Variants in ZC3H18 observed in about 807,000 individuals in gnomAD.
The protein encoded by ZC3H18 is zinc finger CCCH domain-containing protein 18.
Under a neutral mutation model 106.1 loss-of-function variants are expected in ZC3H18, and 8 were observed. That is an observed-to-expected ratio of 0.08 (90% CI 0.04 to 0.14). ZC3H18 has a LOEUF of 0.14. ZC3H18 is among the 10% of genes least tolerant of loss of function. ZC3H18 has a pLI of 1.00. For missense variants in ZC3H18, 1,318 were observed against 1,278.4 expected (o/e 1.03, Z -0.47); for synonymous variants, 635 against 522.1 (o/e 1.22, Z -2.95).
chr16:88,574,944 C>G (rs1914652173), intron 1 of ZC3H18, among the ~76,000 whole-genome samples: 1 of 151,474 alleles, frequency 6.6e-6, no homozygotes. Context: ...ATTCTCCTGC[C>G]TCAGCCTCCC....
chr16:88,631,049 C>T (rs1455228839), intron 17 of ZC3H18, 52 bp from the exon 18 acceptor site: 37 of 1,606,898 alleles, frequency 2.3e-5, no homozygotes, highest in Admixed American at 3.3e-5. Context: ...TCACCCCTTC[C>T]ACCTGCAGAC....
chr16:88,593,147 G>A (rs535953861), intron 3 of ZC3H18, among the ~76,000 whole-genome samples: 80 of 152,298 alleles, frequency 5.3e-4, no homozygotes, highest in African/African-American at 1.8e-3. Flanking sequence ...ATCTGATGAC[G>A]TGGGATGAAA....
At chr16:88,611,672 C>G (rs959402278) in intron 8 of ZC3H18, 136 bp downstream of exon 8, 2 of 1,342,878 alleles carry the variant, frequency 1.5e-6, no homozygotes, top group Non-Finnish European at 2.0e-6. Context: ...GCCCACAGCC[C>G]GAGCCCATAG....
In ZC3H18 at chr16:88,575,737, T is replaced by C. The variant is rs547440008; in HGVS notation, c.-14-1373T>C. The stretch of plus-strand genomic sequence containing the variant: ...TTGTTTTTTGAGTTTTTTTTGGAGA[T>C]TGGTCTCACTCTGTTGCCCAGGCTG... On this transcript the variant is annotated intron_variant, in intron 1 of 17. Transcript: ENST00000301011. Among the ~76,000 whole-genome samples, 19 of 152,100 alleles carry C rather than the reference T, an allele frequency of 1.2e-4. No homozygotes were observed. In the South Asian group the frequency reaches 3.9e-3, roughly 32 times the overall value.
intron 2 of ZC3H18, among the ~76,000 whole-genome samples, chr16:88,580,156 C>CTGTGTGTGTGTGTG (rs56406234): frequency 4.7e-5 from 6 of 126,958 alleles, no homozygotes; most frequent in Admixed American, 8.1e-5. Flanking sequence ...ACAGGTTCAT[C>CTGTGTGTGTGTGTG]TGTGTGTGTG....
intron 16 of ZC3H18, among the ~76,000 whole-genome samples, chr16:88,629,479 T>C (rs1906525772): frequency 1.3e-5 from 2 of 152,202 alleles, no homozygotes; most frequent in African/African-American, 4.8e-5. Context: ...TATTTTTTTT[T>C]ACACATGTGC....
intron 11 of ZC3H18, chr16:88,624,369 C>T: frequency 7.1e-6 from 5 of 702,048 alleles, no homozygotes; most frequent in Non-Finnish European, 1.2e-5. Context: ...CTGGCGGTGC[C>T]TGTAGCTCTT....
At position 88,622,332 on chromosome 16, in the gene ZC3H18, G is replaced by T; in HGVS notation, c.1611G>T (p.Arg537=). The T allele has an allele frequency of 6.2e-6, 10 of 1,613,786 alleles. No individual in the cohort carries two copies. Among genetic ancestry groups the T allele is most frequent in the African/African-American group, 1.3e-5 (1 of 75,036 alleles). ...TCGGGGTGTCGGTCTCCCCGAGCCG[G>T]GCTCGAAGGCGTCGGAAAACATCAG... ...KKLGVSVSPS[R]ARRRRKTSAS... Residue 537 remains arginine (R), a synonymous_variant, in exon 9 of 18, where the codon CGG becomes CGT. Coordinates refer to ENST00000301011, the MANE Select transcript of ZC3H18 (RefSeq NM_144604.4).
chr16:88,625,781 C>A, intron 13 of ZC3H18: 1 of 123,520 alleles, frequency 8.1e-6, no homozygotes, highest in Non-Finnish European at 1.7e-5. Flanking sequence ...AGGAGGATTG[C>A]TTGAGCCCAG....
chr16:88,594,935 T>A (rs897702363), intron 3 of ZC3H18, among the ~76,000 whole-genome samples: 2 of 152,182 alleles, frequency 1.3e-5, no homozygotes, highest in African/African-American at 4.8e-5. Context: ...GCGGATCACC[T>A]GAGGTCGCAA....
At position 88,623,266 on chromosome 16, in the gene ZC3H18, C is replaced by G. The variant is rs750266139; in HGVS notation, c.1715C>G (p.Ser572Trp). 1.9e-6 allele frequency: 3 copies of G among 1,613,680 alleles called. No homozygotes were observed. The highest frequency in any genetic ancestry group is 2.5e-6 in the Non-Finnish European group (3 of 1,179,974). The change falls in exon 10 of 18, where the codon TCG (serine) becomes TGG (tryptophan). Residue 572 changes from serine to tryptophan, a missense_variant. Coordinates refer to ENST00000301011, the MANE Select transcript of ZC3H18 (RefSeq NM_144604.4). The stretch of plus-strand genomic sequence containing the variant: ...TACTCTGGCTCCGGCTCCTCCCGGT[C>G]GCGATCCCGGTCTTCATCCTACAGC... ...SSYSGSGSSR[S>W]RSRSSSYSSY...
chr16:88,595,884 C>G (rs974643625), intron 3 of ZC3H18, among the ~76,000 whole-genome samples: 1 of 152,132 alleles, frequency 6.6e-6, no homozygotes, highest in African/African-American at 2.4e-5. Context: ...AAAGCCCCTT[C>G]CCACATTCCC....
chr16:88,580,928 C>T (rs1017351223), intron 2 of ZC3H18, among the ~76,000 whole-genome samples: 33 of 152,178 alleles, frequency 2.2e-4, no homozygotes, highest in African/African-American at 8.0e-4. Context: ...TGGCCTGTAC[C>T]TTCGCAAATG....
chr16:88,607,511 A>G (rs1426534310), intron 6 of ZC3H18, among the ~76,000 whole-genome samples: 2 of 152,236 alleles, frequency 1.3e-5, no homozygotes, highest in East Asian at 3.8e-4. Context: ...CCAGTGCAAG[A>G]GGCGTCTCCC....
In ZC3H18 at chr16:88,602,000, A is replaced by G. The variant is rs111562319; in HGVS notation, c.1088+2052A>G. Reference sequence around the variant, plus strand: ...GTGGGTCCACCAGGTAGGTTGCTACAGAGGAAAACAGTGAGTAGAGGGAGC... The same window carrying G: ...GTGGGTCCACCAGGTAGGTTGCTACGGAGGAAAACAGTGAGTAGAGGGAGC... On this transcript the variant is annotated intron_variant, in intron 6 of 17. Transcript: ENST00000301011. Among the ~76,000 whole-genome samples, 664 of 152,342 alleles carry G rather than the reference A, an allele frequency of 4.4e-3. 2 individuals are homozygous for G. The highest frequency in any genetic ancestry group is 7.2e-3 in the Non-Finnish European group (489 of 68,018).
chr16:88,595,720 T>C (rs1904398526), intron 3 of ZC3H18, among the ~76,000 whole-genome samples: 2 of 149,262 alleles, frequency 1.3e-5, no homozygotes, highest in South Asian at 4.3e-4. Context: ...GGCAGGAGAG[T>C]TGCTTGAACT....
Position 88,599,888 on chromosome 16 carries a change from A to G in ZC3H18, c.1028A>G (p.Lys343Arg), listed in dbSNP as rs1288319890. The G allele has an allele frequency of 5.0e-6, 8 of 1,614,102 alleles. No individual in the cohort carries two copies. Among genetic ancestry groups the G allele is most frequent in the Non-Finnish European group, 6.8e-6 (8 of 1,180,038 alleles). ...TIGEDEREFDKENEVFRDWNS... is the reference protein window; with the variant it reads ...TIGEDEREFDRENEVFRDWNS... Reference sequence around the variant, plus strand: ...GGCGAAGACGAACGGGAATTTGACAAAGAAAATGAAGTTTTTCGAGATTGG... The same window carrying G: ...GGCGAAGACGAACGGGAATTTGACAGAGAAAATGAAGTTTTTCGAGATTGG... The change falls in exon 6 of 18, where the codon AAA becomes AGA. Residue 343 changes from lysine to arginine, a missense_variant. Lys to Arg is a conservative substitution (Grantham distance 26). Around this residue, in one of 6 missense-constraint regions of ZC3H18, gnomAD observed 848 missense variants for 821.7 expected, o/e 1.03. Transcript: ENST00000301011.
Position 88,623,231 on chromosome 16 carries a change from G to T in ZC3H18, c.1680G>T (p.Arg560=). The T allele has an allele frequency of 6.2e-7, 1 of 1,613,150 alleles. No individual in the cohort carries two copies. Among genetic ancestry groups the T allele is most frequent in the Non-Finnish European group, 8.5e-7 (1 of 1,179,934 alleles). The change falls in exon 10 of 18, where the codon CGG becomes CGT. Residue 560 remains arginine, a synonymous_variant. Coordinates refer to ENST00000301011, the MANE Select transcript of ZC3H18 (RefSeq NM_144604.4). ...CCGCCCGCCCCAGGTCGTCTTCGCG[G>T]TCATCGTCCTACTCTGGCTCCGGCT... is the stretch of plus-strand genomic sequence containing the variant. ...SASNSSRSSS[R]SSSYSGSGSS... is the part of the protein sequence containing the mutation.
chr16:88,577,770 A>G, intron 2 of ZC3H18, 44 bp downstream of exon 2: 1 of 1,611,742 alleles, frequency 6.2e-7, no homozygotes, highest in Non-Finnish European at 8.5e-7. Flanking sequence ...CCTGCCCAGC[A>G]GCCTGACATA....
Sources: allele counts gnomAD v4.1 joint callset (sites outside exome capture counted in the v4.1 genomes callset), GRCh38; gene constraint gnomAD v4.1.1; regional missense constraint gnomAD v4.1.1; transcripts MANE v1.5; gene names NCBI Gene and HGNC (gene_info 2026-07-23, HGNC 2026-07-21).